The following AKAP6 variants were observed in gnomAD, a reference collection of about 807,000 sequenced individuals.
AKAP6 encodes A-kinase anchor protein 6.
A neutral mutation model predicts 188.5 loss-of-function variants in AKAP6; 58 were observed. The observed-to-expected ratio is 0.31, with a 90% CI of 0.25 to 0.38. AKAP6 has a LOEUF of 0.38. Among genes scored for constraint, AKAP6 ranks in the 10% least tolerant of loss-of-function variants. The probability of loss-of-function intolerance (pLI) is 1.00; values close to 1 mark genes in which losing one functional copy is unlikely to be tolerated. For missense variants in AKAP6, 2,710 were observed against 2,740.0 expected (o/e 0.99, Z 0.24); for synonymous variants, 989 against 998.6 (o/e 0.99, Z 0.18).
At chr14:32,583,667 G>C (rs1007744327) in intron 5 of AKAP6, among the ~76,000 whole-genome samples, 4 of 152,220 alleles carry the variant, frequency 2.6e-5, no homozygotes, top group Admixed American at 2.6e-4. Context: ...ACCTAAGCAA[G>C]CCTGGGCAAT....
chr14:32,545,803 C>T lies in AKAP6; in HGVS notation c.1150C>T (p.Pro384Ser), dbSNP rs1248907673. 4 of 1,614,078 alleles carry T rather than the reference C, an allele frequency of 2.5e-6. No individual in the cohort carries two copies. The highest frequency in any genetic ancestry group is 3.4e-6 in the Non-Finnish European group (4 of 1,180,044). The change falls in exon 4 of 14, where the codon CCC becomes TCC. Residue 384 changes from proline (P) to serine (S), a missense_variant. Pro to Ser is a moderately conservative substitution (Grantham distance 74). Transcript: ENST00000280979. ...RDCFNYNEDS[P>S]TQPTLPKRGL... is the part of the protein sequence containing the mutation. ...TTGCTTTAATTATAACGAGGACTCT[C>T]CCACGCAGCCTACATTGCCAAAAAG... is the stretch of plus-strand genomic sequence containing the variant.
intron 5 of AKAP6, among the ~76,000 whole-genome samples, chr14:32,589,855 A>G (rs1231974629): frequency 6.6e-6 from 1 of 152,172 alleles, no homozygotes; most frequent in Non-Finnish European, 1.5e-5. Context: ...GCCTCACACT[A>G]TGAGGCTCCA....
intron 1 of AKAP6, among the ~76,000 whole-genome samples, chr14:32,378,983 G>A (rs1371395896): frequency 6.7e-6 from 1 of 149,612 alleles, no homozygotes; most frequent in Non-Finnish European, 1.5e-5. Context: ...CAGTGGTGCG[G>A]TCTTGGTTCA....
chr14:32,682,390 T>G (rs1488082527), intron 8 of AKAP6, among the ~76,000 whole-genome samples: 1 of 152,230 alleles, frequency 6.6e-6, no homozygotes, highest in African/African-American at 2.4e-5. Context: ...GGATGAGCTC[T>G]CGCAGGCAGG....
At chr14:32,532,285 A>G (rs1882455033) in intron 2 of AKAP6, among the ~76,000 whole-genome samples, 1 of 152,062 alleles carries the variant, frequency 6.6e-6, no homozygotes, top group Admixed American at 6.6e-5. Flanking sequence ...CATTATATCT[A>G]CTTTGGTAGG....
intron 1 of AKAP6, among the ~76,000 whole-genome samples, chr14:32,430,320 A>G (rs775176620): frequency 1.3e-5 from 2 of 152,210 alleles, no homozygotes; most frequent in Admixed American, 6.5e-5. Context: ...CAAGAAATGT[A>G]TGGAGGATTT....
In AKAP6 at chr14:32,589,225, T is replaced by A. The variant is rs147954207; in HGVS notation, c.2470-10185T>A. On this transcript the variant is annotated intron_variant, in intron 5 of 13. Coordinates refer to ENST00000280979, the MANE Select transcript of AKAP6 (RefSeq NM_004274.5). ...CTGCCCCCACCTCCCTCAGCCTTGA[T>A]GAGCAGGCTGGTGGCCTTACACGGG... Among the ~76,000 whole-genome samples, 155 of 152,352 alleles carry A rather than the reference T, an allele frequency of 1.0e-3. 2 individuals carry two copies. In the East Asian group the frequency reaches 0.026, roughly 26 times the overall value.
intron 7 of AKAP6, among the ~76,000 whole-genome samples, chr14:32,627,296 TG>T (rs1887063155): frequency 6.6e-6 from 1 of 152,086 alleles, no homozygotes; most frequent in Admixed American, 6.6e-5. Flanking sequence ...AACTTTGAAT[TG>T]GGGTATCTCA....
At chr14:32,801,068 G>T (rs2033934812) in intron 12 of AKAP6, among the ~76,000 whole-genome samples, 1 of 151,704 alleles carries the variant, frequency 6.6e-6, no homozygotes, top group African/African-American at 2.4e-5. Flanking sequence ...CATATAGTTG[G>T]GTCTTGTTCT....
At chr14:32,553,297 A>G (rs987705281) in intron 4 of AKAP6, among the ~76,000 whole-genome samples, 2 of 150,458 alleles carry the variant, frequency 1.3e-5, no homozygotes, top group Non-Finnish European at 3.0e-5. Flanking sequence ...CAGCCTCCCC[A>G]GTAGCTGGGA....
intron 1 of AKAP6, among the ~76,000 whole-genome samples, chr14:32,427,560 A>G (rs10132114): frequency 0.011 from 1,681 of 152,332 alleles, 26 homozygotes; most frequent in African/African-American, 0.039. Context: ...TCATCTGGCT[A>G]GGCAGTGGCA....
intron 2 of AKAP6, among the ~76,000 whole-genome samples, chr14:32,462,109 G>A (rs1594639086): frequency 3.3e-5 from 5 of 152,248 alleles, no homozygotes; most frequent in African/African-American, 1.2e-4. Context: ...ATTGATTGGT[G>A]TACCTGAAAG....
chr14:32,811,941 A>T (rs1320378816), intron 12 of AKAP6, among the ~76,000 whole-genome samples: 1 of 152,224 alleles, frequency 6.6e-6, no homozygotes, highest in Non-Finnish European at 1.5e-5. Context: ...ACTTGTTTAC[A>T]TGACTATTCA....
intron 2 of AKAP6, among the ~76,000 whole-genome samples, chr14:32,487,840 C>G (rs529834279): frequency 2.2e-4 from 33 of 152,212 alleles, no homozygotes; most frequent in Non-Finnish European, 3.1e-4. Flanking sequence ...GAGGTCCACT[C>G]GAGACCCTGT....
intron 7 of AKAP6, among the ~76,000 whole-genome samples, chr14:32,653,242 T>A (rs1335200113): frequency 2.0e-5 from 3 of 152,164 alleles, no homozygotes; most frequent in Non-Finnish European, 4.4e-5. Flanking sequence ...TTCCCTTTTA[T>A]TTATTAATAA....
intron 2 of AKAP6, among the ~76,000 whole-genome samples, chr14:32,440,812 T>A (rs1890549985): frequency 6.6e-6 from 1 of 152,206 alleles, no homozygotes; most frequent in African/African-American, 2.4e-5. Flanking sequence ...GATGGTAACA[T>A]TTATTATTTT....
intron 9 of AKAP6, among the ~76,000 whole-genome samples, chr14:32,714,881 A>G (rs1319247096): frequency 6.6e-6 from 1 of 151,902 alleles, no homozygotes; most frequent in East Asian, 1.9e-4. Context: ...GGCAAATATG[A>G]CTAAAGACAT....
At chr14:32,487,619 A>T (rs4332665) in intron 2 of AKAP6, among the ~76,000 whole-genome samples, 2 of 152,036 alleles carry the variant, frequency 1.3e-5, no homozygotes, top group African/African-American at 2.4e-5. Flanking sequence ...GAGGAGAGAG[A>T]CATTCTGGTT....
chr14:32,482,549 A>G (rs1272316957), intron 2 of AKAP6, among the ~76,000 whole-genome samples: 2 of 152,166 alleles, frequency 1.3e-5, no homozygotes, highest in Admixed American at 1.3e-4. Context: ...CTTTAGAGCA[A>G]TCAACACTGT....
Sources: allele counts gnomAD v4.1 joint callset (sites outside exome capture counted in the v4.1 genomes callset), GRCh38; gene constraint gnomAD v4.1.1; transcripts MANE v1.5; gene names NCBI Gene and HGNC (gene_info 2026-07-23, HGNC 2026-07-21).